Variants in B3GLCT observed in about 807,000 individuals in gnomAD.
The protein encoded by B3GLCT is beta 3-glucosyltransferase.
A neutral mutation model predicts 63.4 loss-of-function variants in B3GLCT; 65 were observed. That is an observed-to-expected ratio of 1.03 (90% CI 0.84 to 1.26). The LOEUF (loss-of-function observed/expected upper bound fraction) is 1.26, where lower values mean the gene tolerates loss of function less well. Ranked by LOEUF, B3GLCT falls within the 50% of genes most tolerant of loss-of-function variation. The pLI, the probability that B3GLCT is intolerant of heterozygous loss-of-function variation, is 0.00. For missense variants in B3GLCT, 577 were observed against 604.8 expected, an observed-to-expected ratio of 0.95 and a Z score of 0.48; for synonymous variants, 233 against 219.2, an observed-to-expected ratio of 1.06 and a Z score of -0.55.
At chr13:31,321,762 A>C (rs954763873) in intron 13 of B3GLCT, among the ~76,000 whole-genome samples, 1 of 152,170 alleles carries the variant, frequency 6.6e-6, no homozygotes, top group African/African-American at 2.4e-5. Flanking sequence ...TACTATTTGA[A>C]TCCAAGTGTC....
intron 1 of B3GLCT, among the ~76,000 whole-genome samples, 173 bp from the exon 2 acceptor site, chr13:31,214,878 C>A (rs1016851829): frequency 6.6e-6 from 1 of 152,140 alleles, no homozygotes; most frequent in Non-Finnish European, 1.5e-5. Context: ...AATTTTAGGT[C>A]TGAGATGAAG....
At chr13:31,295,843 T>C (rs1243345159) in intron 12 of B3GLCT, among the ~76,000 whole-genome samples, 1 of 152,118 alleles carries the variant, frequency 6.6e-6, no homozygotes, top group Non-Finnish European at 1.5e-5. Flanking sequence ...TCACTGGCAT[T>C]CCAGGCACCA....
chr13:31,299,412 G>A (rs2137904342), intron 12 of B3GLCT, among the ~76,000 whole-genome samples: 1 of 152,140 alleles, frequency 6.6e-6, no homozygotes, highest in South Asian at 2.1e-4. Flanking sequence ...GGTACTCAGA[G>A]TATTTGCATG....
chr13:31,283,982 G>A (rs957006945), intron 10 of B3GLCT, among the ~76,000 whole-genome samples: 1 of 152,208 alleles, frequency 6.6e-6, no homozygotes, highest in Non-Finnish European at 1.5e-5. Flanking sequence ...GTAGTGGTAA[G>A]TCTATATGTC....
intron 6 of B3GLCT, among the ~76,000 whole-genome samples, chr13:31,254,602 A>G (rs1012387922): frequency 2.0e-5 from 3 of 152,210 alleles, no homozygotes; most frequent in Non-Finnish European, 2.9e-5. Flanking sequence ...AAACTGGCAC[A>G]AGACAAGGAT....
At chr13:31,296,354 A>G (rs775329205) in intron 12 of B3GLCT, among the ~76,000 whole-genome samples, 2 of 152,200 alleles carry the variant, frequency 1.3e-5, no homozygotes, top group Non-Finnish European at 2.9e-5. Context: ...GGGTGCCAGC[A>G]TGGTTGGGTT....
In B3GLCT at chr13:31,329,573, A is replaced by G; in HGVS notation, c.1402A>G (p.Ile468Val). 4 of 1,614,010 alleles carry G rather than the reference A, an allele frequency of 2.5e-6. No individual in the cohort carries two copies. Among genetic ancestry groups the G allele is most frequent in the South Asian group, 1.1e-5 (1 of 91,086 alleles). Residue 468 changes from isoleucine (I) to valine (V), a missense_variant, in exon 15 of 15, where the codon ATC (isoleucine) becomes GTC (valine). By Grantham distance (29) the Ile-to-Val change is conservative. Coordinates refer to ENST00000343307, the MANE Select transcript of B3GLCT (RefSeq NM_194318.4). ...VPISFHKHWN[I>V]DPVKVYFTWL... ...CATATCGTTCCACAAACACTGGAACATCGATCCAGTGAAGGTGTATTTCAC... is the reference window on the plus strand; with the variant it reads ...CATATCGTTCCACAAACACTGGAACGTCGATCCAGTGAAGGTGTATTTCAC...
At chr13:31,207,827 C>A (rs555415060) in intron 1 of B3GLCT, among the ~76,000 whole-genome samples, 1 of 152,336 alleles carries the variant, frequency 6.6e-6, no homozygotes, top group African/African-American at 2.4e-5. Context: ...CTACTTCTCT[C>A]CACTGGCTGA....
intron 3 of B3GLCT, 22 bp from the exon 4 acceptor site, chr13:31,229,163 A>G (rs1401146588): frequency 6.9e-7 from 1 of 1,458,756 alleles, no homozygotes; most frequent in East Asian, 2.3e-5. Context: ...AAATACCTGA[A>G]AACTATTTTT....
intron 3 of B3GLCT, among the ~76,000 whole-genome samples, chr13:31,228,069 C>T (rs1258371640): frequency 6.6e-6 from 1 of 152,234 alleles, no homozygotes; most frequent in East Asian, 1.9e-4. Context: ...AGGACATACT[C>T]GGGTTTCCTT....
intron 10 of B3GLCT, among the ~76,000 whole-genome samples, chr13:31,280,770 C>G (rs752258940): frequency 1.3e-5 from 2 of 152,184 alleles, no homozygotes; most frequent in East Asian, 1.9e-4. Flanking sequence ...TGGATTCTGA[C>G]TTAAGTGAAA....
At chr13:31,229,483 C>T (rs867479949) in intron 4 of B3GLCT, among the ~76,000 whole-genome samples, 189 bp downstream of exon 4, 1 of 152,166 alleles carries the variant, frequency 6.6e-6, no homozygotes, top group Admixed American at 6.5e-5. Context: ...TGGTGGCTCA[C>T]GCCTGTAATC....
intron 6 of B3GLCT, among the ~76,000 whole-genome samples, chr13:31,253,463 G>A (rs1287597029): frequency 1.3e-5 from 2 of 151,562 alleles, no homozygotes; most frequent in African/African-American, 4.9e-5. Flanking sequence ...CGTGGTGGCG[G>A]GTGCCTGTAG....
chr13:31,292,405 C>A (rs772203364), intron 12 of B3GLCT, among the ~76,000 whole-genome samples: 31 of 152,124 alleles, frequency 2.0e-4, no homozygotes, highest in Non-Finnish European at 2.9e-4. Context: ...CTCTTTGTAT[C>A]TCTAGTGGAA....
At chr13:31,244,214 G>A (rs1434525537) in intron 4 of B3GLCT, among the ~76,000 whole-genome samples, 1 of 152,176 alleles carries the variant, frequency 6.6e-6, no homozygotes, top group African/African-American at 2.4e-5. Context: ...CTTTGAGACT[G>A]GGCACGGTGG....
At chr13:31,257,366 G>T (rs1218944907) in intron 6 of B3GLCT, among the ~76,000 whole-genome samples, 3 of 151,870 alleles carry the variant, frequency 2.0e-5, no homozygotes, top group African/African-American at 7.3e-5. Context: ...CTTTATTATA[G>T]ATTTTTTTTT....
At chr13:31,280,517 TG>T in intron 10 of B3GLCT, among the ~76,000 whole-genome samples, 1 of 152,340 alleles carries the variant, frequency 6.6e-6, no homozygotes, top group African/African-American at 2.4e-5. Context: ...CCCCTGGCAC[TG>T]GGTGGTGATG....
At chr13:31,300,754 T>C (rs1484250739) in intron 12 of B3GLCT, among the ~76,000 whole-genome samples, 1 of 152,192 alleles carries the variant, frequency 6.6e-6, no homozygotes, top group African/African-American at 2.4e-5. Flanking sequence ...AATAGTAACG[T>C]TATCTATAGG....
chr13:31,255,662 A>G (rs570472395), intron 6 of B3GLCT, among the ~76,000 whole-genome samples: 3 of 152,288 alleles, frequency 2.0e-5, no homozygotes, highest in East Asian at 1.9e-4. Context: ...ATCTACAACC[A>G]TCTGATCTTT....
Sources: allele counts gnomAD v4.1 joint callset (sites outside exome capture counted in the v4.1 genomes callset), GRCh38; gene constraint gnomAD v4.1.1; transcripts MANE v1.5; gene names NCBI Gene and HGNC (gene_info 2026-07-23, HGNC 2026-07-21).